Variants in HIVEP1 observed in about 807,000 individuals in gnomAD.
HIVEP1 encodes the protein HIVEP zinc finger 1.
Under a neutral mutation model 180.0 loss-of-function variants are expected in HIVEP1, and 36 were observed. The ratio of observed to expected loss-of-function variants is 0.20; its 90% CI spans 0.15 to 0.26. The LOEUF is 0.26. Ranked by LOEUF, HIVEP1 falls within the 10% of genes least tolerant of loss-of-function variation. HIVEP1 has a pLI of 1.00. For synonymous variants in HIVEP1, 1,239 were observed against 1,239.0 expected (o/e 1.00, Z 0.00); for missense variants, 3,143 against 3,268.7 (o/e 0.96, Z 0.94).
chr6:12,056,411 T>C (rs1204336446), intron 2 of HIVEP1, among the ~76,000 whole-genome samples: 1 of 152,232 alleles, frequency 6.6e-6, no homozygotes, highest in African/African-American at 2.4e-5. Context: ...TCTTGCCACA[T>C]TTGCCTTATC....
chr6:12,195,660 G>GACTCCA, the HIVEP1 span, among the ~76,000 whole-genome samples: 14 of 151,794 alleles, frequency 9.2e-5, no homozygotes, highest in African/African-American at 3.4e-4. Flanking sequence ...CTGGCATACA[G>GACTCCA]AATTTAACTA....
At chr6:12,082,987 G>A (rs1561922787) in intron 2 of HIVEP1, among the ~76,000 whole-genome samples, 1 of 152,046 alleles carries the variant, frequency 6.6e-6, no homozygotes, top group Non-Finnish European at 1.5e-5. Context: ...AGCTTTTATT[G>A]GATTTAAATT....
At position 12,125,412 on chromosome 6, in the gene HIVEP1, A is replaced by G. The variant is rs1165709396; in HGVS notation, c.5617A>G (p.Ser1873Gly). 6.2e-7 allele frequency: 1 copy of G among 1,613,964 alleles called. No individual in the cohort carries two copies. Among genetic ancestry groups the G allele is most frequent in the East Asian group, 2.2e-5 (1 of 44,868 alleles). The change falls in exon 4 of 9, where the codon AGT becomes GGT. Residue 1873 changes from serine to glycine, a missense_variant. Physicochemically the swap from Ser to Gly is moderately conservative, Grantham distance 56. Transcript: ENST00000379388. ...CACATCATTAACTCTTACAGTTCGA[A>G]GTTCACCTGCTCCTTCAGAAAATAC... is the stretch of plus-strand genomic sequence containing the variant. The part of the protein sequence containing the change: ...SSTSLTLTVR[S>G]SPAPSENTHI...
chr6:12,076,176 CTGAT>C (rs1232631968), intron 2 of HIVEP1, among the ~76,000 whole-genome samples: 4 of 151,968 alleles, frequency 2.6e-5, no homozygotes, highest in African/African-American at 9.7e-5. Context: ...AGAATATTAA[CTGAT>C]TGCTTTTAAG....
Position 12,125,223 on chromosome 6 carries a change from G to A in HIVEP1, c.5428G>A (p.Gly1810Ser), listed in dbSNP as rs374375253. ...GGTTTGTACTACAGAGCCCCTGGACGGTGTGATGTTGGAAAAGGATGTTTT... is the reference window on the plus strand; with the variant it reads ...GGTTTGTACTACAGAGCCCCTGGACAGTGTGATGTTGGAAAAGGATGTTTT... ...RQVCTTEPLD[G>S]VMLEKDVFSQ... Residue 1810 changes from glycine to serine, a missense_variant, in exon 4 of 9, where the codon GGT becomes AGT. Physicochemically the swap from Gly to Ser is moderately conservative, Grantham distance 56. Transcript: ENST00000379388. The A allele has an allele frequency of 7.1e-5, 115 of 1,614,004 alleles. No individual in the cohort carries two copies. Among genetic ancestry groups the A allele is most frequent in the Non-Finnish European group, 9.0e-5 (106 of 1,180,036 alleles).
chr6:12,041,035 A>G (rs1447304965), intron 2 of HIVEP1, among the ~76,000 whole-genome samples: 2 of 152,210 alleles, frequency 1.3e-5, no homozygotes, highest in Non-Finnish European at 2.9e-5. Context: ...GGTTGGGACA[A>G]ATATCCAAAC....
At chr6:12,205,238 AAG>A in the HIVEP1 span, among the ~76,000 whole-genome samples, 3 of 152,162 alleles carry the variant, frequency 2.0e-5, no homozygotes, top group Non-Finnish European at 4.4e-5. Flanking sequence ...TTGGGAGGCC[AAG>A]GCGGGTGGAT....
chr6:12,021,970 G>T (rs1055787174), intron 2 of HIVEP1, among the ~76,000 whole-genome samples: 1 of 151,880 alleles, frequency 6.6e-6, no homozygotes, highest in Admixed American at 6.6e-5. Context: ...TGGCCTGGTT[G>T]TGTCAACTTT....
At chr6:12,070,258 A>G (rs1350916475) in intron 2 of HIVEP1, among the ~76,000 whole-genome samples, 2 of 152,234 alleles carry the variant, frequency 1.3e-5, no homozygotes, top group African/African-American at 4.8e-5. Context: ...ATCAAGCATT[A>G]TGTATTGTAC....
At chr6:12,136,880 CAAAA>C (rs1454482486) in intron 7 of HIVEP1, among the ~76,000 whole-genome samples, 2 of 149,578 alleles carry the variant, frequency 1.3e-5, no homozygotes, top group Non-Finnish European at 3.0e-5. Flanking sequence ...GATTTATTGA[CAAAA>C]GAAAAAAAAA....
chr6:12,097,425 T>C (rs1019097776), intron 3 of HIVEP1, among the ~76,000 whole-genome samples: 6 of 151,960 alleles, frequency 3.9e-5, no homozygotes, highest in African/African-American at 1.2e-4. Context: ...AAATCCTGAA[T>C]TGGTAGAGCA....
chr6:12,011,697 C>T (rs1226044697), upstream of HIVEP1, among the ~76,000 whole-genome samples: 1 of 149,160 alleles, frequency 6.7e-6, no homozygotes, highest in African/African-American at 2.4e-5. Context: ...GTCTGGGGCC[C>T]GCCCCGCCGG....
At chr6:12,117,764 C>G (rs1227125568) in intron 3 of HIVEP1, among the ~76,000 whole-genome samples, 1 of 152,170 alleles carries the variant, frequency 6.6e-6, no homozygotes, top group Non-Finnish European at 1.5e-5. Flanking sequence ...CATGGTGTTT[C>G]AGCTCTGCTA....
intron 2 of HIVEP1, among the ~76,000 whole-genome samples, chr6:12,017,627 C>G (rs1767896143): frequency 1.3e-5 from 2 of 151,794 alleles, no homozygotes; most frequent in Admixed American, 1.3e-4. Flanking sequence ...GCCGATTGGT[C>G]TGTTTTACAG....
intron 7 of HIVEP1, among the ~76,000 whole-genome samples, chr6:12,138,626 C>G (rs1758830059): frequency 6.6e-6 from 1 of 152,126 alleles, no homozygotes. Flanking sequence ...TCTTCTCTTC[C>G]TGTCTGTGCT....
chr6:12,075,674 G>A (rs981634104), intron 2 of HIVEP1, among the ~76,000 whole-genome samples: 3 of 150,070 alleles, frequency 2.0e-5, no homozygotes, highest in African/African-American at 4.9e-5. Context: ...TTTACCTATC[G>A]TTCAGCTTCA....
intron 3 of HIVEP1, among the ~76,000 whole-genome samples, chr6:12,113,128 G>A (rs1335970366): frequency 3.3e-5 from 5 of 151,560 alleles, no homozygotes; most frequent in African/African-American, 1.2e-4. Context: ...TAAAGAGCCT[G>A]TAAGTGAGTG....
intron 4 of HIVEP1, among the ~76,000 whole-genome samples, chr6:12,128,400 G>A (rs575462248): frequency 6.6e-6 from 1 of 152,226 alleles, no homozygotes; most frequent in Admixed American, 6.5e-5. Context: ...TCTCCATAAT[G>A]AACAGACTCT....
At chr6:12,139,468 A>G (rs1053260396) in intron 7 of HIVEP1, among the ~76,000 whole-genome samples, 4 of 152,174 alleles carry the variant, frequency 2.6e-5, no homozygotes, top group Admixed American at 1.3e-4. Flanking sequence ...TACCTGGTTC[A>G]TCTCATTGGG....
Sources: gnomAD v4.1 joint callset for allele counts (sites outside exome capture counted in the v4.1 genomes callset) on GRCh38, gnomAD v4.1.1 for gene constraint, MANE v1.5 for transcripts, NCBI Gene and HGNC (gene_info 2026-07-23, HGNC 2026-07-21) for gene names.